RAP2A: variants seen among roughly 807,000 people sequenced by gnomAD.
The protein encoded by RAP2A is RAP2A, member of RAS oncogene family.
RAP2A carries 5 observed loss-of-function variants against 15.1 expected under a neutral mutation model. That is an observed-to-expected ratio of 0.33 (90% CI 0.17 to 0.70). RAP2A has a LOEUF of 0.70. RAP2A is among the 30% of genes least tolerant of loss of function. The pLI is 0.68. For synonymous variants in RAP2A, 110 were observed against 99.7 expected (o/e 1.10, Z -0.62); for missense variants, 111 against 240.3 (o/e 0.46, Z 3.56).
chr13:97,464,082 A>G (rs1594329451), intron 1 of RAP2A, 123 bp from the exon 2 acceptor site: 9 of 838,592 alleles, frequency 1.1e-5, no homozygotes, highest in Non-Finnish European at 1.5e-5. Context: ...GGTACAAATC[A>G]TTTTCATGCA....
chr13:97,449,862 C>G (rs1347098752), intron 1 of RAP2A, among the ~76,000 whole-genome samples: 2 of 152,136 alleles, frequency 1.3e-5, no homozygotes, highest in Non-Finnish European at 2.9e-5. Flanking sequence ...TACTCCTCTT[C>G]CTCTTCTGAG....
intron 1 of RAP2A, among the ~76,000 whole-genome samples, chr13:97,440,604 CGAA>C (rs777778180): frequency 6.6e-6 from 1 of 152,022 alleles, no homozygotes; most frequent in African/African-American, 2.4e-5. Context: ...GAAAATGACT[CGAA>C]GAGCTCAGTG....
intron 1 of RAP2A, among the ~76,000 whole-genome samples, chr13:97,449,802 T>C (rs2066694634): frequency 6.6e-6 from 1 of 152,100 alleles, no homozygotes; most frequent in African/African-American, 2.4e-5. Flanking sequence ...CGCCAATAAA[T>C]CTCATGCCAG....
chr13:97,456,332 C>T (rs1000144834), intron 1 of RAP2A, among the ~76,000 whole-genome samples: 7 of 145,698 alleles, frequency 4.8e-5, no homozygotes, highest in African/African-American at 1.5e-4. Flanking sequence ...CTTCTTCAGG[C>T]GTTGGTTCTC....
At position 97,434,437 on chromosome 13, in the gene RAP2A, G is replaced by T; in HGVS notation, c.-34G>T. 6.5e-7 allele frequency: 1 copy of T among 1,543,656 alleles called. No individual in the cohort carries two copies. On this transcript the variant is annotated 5_prime_UTR_variant, in exon 1 of 2. Transcript: ENST00000245304. ...CGCGGCCGGCGTAGGTCTATGTCGC[G>T]GGCGGCGGCGGCGGCGGCGGCCGCG...
intron 1 of RAP2A, among the ~76,000 whole-genome samples, chr13:97,460,809 C>T (rs770921958): frequency 4.3e-4 from 65 of 152,164 alleles, no homozygotes; most frequent in Non-Finnish European, 7.2e-4. Flanking sequence ...CCCCCATCAC[C>T]ATGGATGTTC....
At chr13:97,460,605 C>G (rs1283744575) in intron 1 of RAP2A, among the ~76,000 whole-genome samples, 1 of 152,140 alleles carries the variant, frequency 6.6e-6, no homozygotes, top group Non-Finnish European at 1.5e-5. Flanking sequence ...CAACACAGGT[C>G]TTGGCTTCTT....
intron 1 of RAP2A, among the ~76,000 whole-genome samples, chr13:97,435,465 CAAAAAAAAAAAA>C (rs35791914): frequency 3.1e-4 from 20 of 63,652 alleles, no homozygotes; most frequent in South Asian, 1.9e-3. Flanking sequence ...TAACCCCTTC[CAAAAAAAAAAAA>C]AAAAAAAAAA....
Position 97,438,763 on chromosome 13 carries a change from A to G in RAP2A, c.314+3979A>G, listed in dbSNP as rs528517588. On this transcript the variant is annotated intron_variant, in intron 1 of 1. Coordinates refer to ENST00000245304, the MANE Select transcript of RAP2A (RefSeq NM_021033.7). ...ATCCAAATTTAATTATTTGTGTGAT[A>G]ATTTATGGGTAGCCAGCCTTTCTCA... Among the ~76,000 whole-genome samples the G allele has an allele frequency of 4.6e-5, 7 of 152,284 alleles. No individual in the cohort carries two copies. The South Asian group carries it at 1.5e-3, about 32-fold the overall frequency.
intron 1 of RAP2A, among the ~76,000 whole-genome samples, chr13:97,439,871 A>G (rs2066649850): frequency 6.6e-6 from 1 of 152,168 alleles, no homozygotes; most frequent in Admixed American, 6.5e-5. Context: ...ATAGTTGACT[A>G]GCACTACCCA....
intron 1 of RAP2A, among the ~76,000 whole-genome samples, chr13:97,438,075 T>A (rs2066641760): frequency 6.6e-6 from 1 of 152,222 alleles, no homozygotes; most frequent in Non-Finnish European, 1.5e-5. Flanking sequence ...TTGGGTGAGA[T>A]GACACACACA....
At chr13:97,448,682 T>C (rs2066689746) in intron 1 of RAP2A, among the ~76,000 whole-genome samples, 1 of 152,194 alleles carries the variant, frequency 6.6e-6, no homozygotes, top group Non-Finnish European at 1.5e-5. Context: ...AGTGACCAAA[T>C]TGTGGTTGGC....
rs74105471 is a variant in RAP2A at position 97,455,574 on chromosome 13, T to C, written c.315-8631T>C. Among the ~76,000 whole-genome samples the C allele has an allele frequency of 1.9e-3, 283 of 151,628 alleles. 8 individuals are homozygous for C. The highest frequency in any genetic ancestry group is 6.5e-3 in the African/African-American group (268 of 41,206). ...AGGTTCAAACTGCAAACTTTCTCCT[T>C]GTTTGGAAGATGATTCCGATGTCAG... On this transcript the variant is annotated intron_variant, in intron 1 of 1. Transcript: ENST00000245304.
At chr13:97,443,729 T>C (rs1410477919) in intron 1 of RAP2A, among the ~76,000 whole-genome samples, 1 of 152,222 alleles carries the variant, frequency 6.6e-6, no homozygotes. Flanking sequence ...ATGAACATTA[T>C]GAATACTGTA....
rs1245894095 is a variant in RAP2A at position 97,434,665 on chromosome 13, G to A, written c.195G>A (p.Ala65=). ...ILDTAGTEQF[A]SMRDLYIKNG... ...ACACGGCGGGCACCGAGCAGTTCGC[G>A]TCCATGCGGGACCTGTACATCAAGA... The change falls in exon 1 of 2, where the codon GCG becomes GCA. Residue 65 remains alanine (A), a synonymous_variant. Coordinates refer to ENST00000245304, the MANE Select transcript of RAP2A (RefSeq NM_021033.7). 1.2e-6 allele frequency: 2 copies of A among 1,614,052 alleles called. No individual in the cohort carries two copies. Among genetic ancestry groups the A allele is most frequent in the Non-Finnish European group, 1.7e-6 (2 of 1,180,014 alleles).
At chr13:97,451,328 C>T (rs902377331) in intron 1 of RAP2A, among the ~76,000 whole-genome samples, 1 of 152,022 alleles carries the variant, frequency 6.6e-6, no homozygotes, top group East Asian at 1.9e-4. Flanking sequence ...GTAACCAAAT[C>T]CCAAATGAAG....
chr13:97,453,757 A>G (rs968191133), intron 1 of RAP2A, among the ~76,000 whole-genome samples: 1 of 150,742 alleles, frequency 6.6e-6, no homozygotes, highest in Non-Finnish European at 1.5e-5. Context: ...GATGATTATC[A>G]TGGTTAATTT....
rs1056447249 is a variant in RAP2A, at chr13:97,454,713, C to T, written c.315-9492C>T. On this transcript the variant is annotated intron_variant, in intron 1 of 1. Transcript: ENST00000245304. ...TATTTACATAGTATTTACTATTTTTCTTTCCTCATTTTTAAAATTGCAAGA... is the reference window on the plus strand; with the variant it reads ...TATTTACATAGTATTTACTATTTTTTTTTCCTCATTTTTAAAATTGCAAGA... Among the ~76,000 whole-genome samples, 17 of 151,254 alleles carry T rather than the reference C, an allele frequency of 1.1e-4. 1 individual carries two copies. The highest frequency in any genetic ancestry group is 3.3e-4 in the Admixed American group (5 of 15,178).
At chr13:97,463,586 CT>C (rs1268608973) in intron 1 of RAP2A, among the ~76,000 whole-genome samples, 1 of 152,044 alleles carries the variant, frequency 6.6e-6, no homozygotes, top group African/African-American at 2.4e-5. Context: ...TTTCTACTAC[CT>C]TTTTTCTTGT....
Sources: gnomAD v4.1 joint callset for allele counts (sites outside exome capture counted in the v4.1 genomes callset) on GRCh38, gnomAD v4.1.1 for gene constraint, MANE v1.5 for transcripts, NCBI Gene and HGNC (gene_info 2026-07-23, HGNC 2026-07-21) for gene names.